The following PLEKHA6 variants were observed in gnomAD, a reference collection of about 807,000 sequenced individuals.
PLEKHA6 encodes pleckstrin homology domain containing A6.
In PLEKHA6, 60 loss-of-function variants were observed where a neutral mutation model predicts 116.7. That is an observed-to-expected ratio of 0.51 (90% confidence interval 0.42 to 0.64). The LOEUF is 0.64. Ranked by LOEUF, PLEKHA6 falls within the 30% of genes least tolerant of loss-of-function variation. The pLI is 0.00. For missense variants in PLEKHA6, 1,338 were observed against 1,422.7 expected (o/e 0.94, Z 0.96); for synonymous variants, 489 against 556.1 (o/e 0.88, Z 1.70).
Position 204,257,651 on chromosome 1 carries a change from C to CA in PLEKHA6, c.1225dup (p.Trp409LeufsTer27). 6.2e-7 allele frequency: 1 copy of CA among 1,610,230 alleles called. No homozygotes were observed. The highest frequency in any genetic ancestry group is 8.5e-7 in the Non-Finnish European group (1 of 1,178,412). On this transcript the variant is annotated frameshift_variant, in exon 9 of 23. Transcript: ENST00000272203. LOFTEE classifies it high-confidence loss of function. The surrounding 1 kb of genome is among the most constrained non-coding windows in gnomAD (Gnocchi z 6.5). Reference sequence around the variant, plus strand: ...CCGCCCGTAGCTGGCGGGCTCCTTCCACTCTCGCAGCTGGTAGGCAGGGCC... The same window carrying CA: ...CCGCCCGTAGCTGGCGGGCTCCTTCCAACTCTCGCAGCTGGTAGGCAGGGCC...
At chr1:204,256,036 T>C (rs1665239514) in intron 9 of PLEKHA6, among the ~76,000 whole-genome samples, 1 of 152,180 alleles carries the variant, frequency 6.6e-6, no homozygotes, top group African/African-American at 2.4e-5. Flanking sequence ...TCTGGGTGCG[T>C]GTGTTTGCTG....
chr1:204,232,826 A>T (rs1661385070), intron 17 of PLEKHA6, among the ~76,000 whole-genome samples: 1 of 152,224 alleles, frequency 6.6e-6, no homozygotes, highest in Non-Finnish European at 1.5e-5. Flanking sequence ...AGTGAGCCAC[A>T]GAGGATTATT....
chr1:204,350,632 G>A (rs576740680), intron 1 of PLEKHA6, among the ~76,000 whole-genome samples: 35 of 152,282 alleles, frequency 2.3e-4, no homozygotes, highest in African/African-American at 8.4e-4. Context: ...GTGCTCTGGA[G>A]GTCCAAGTTC....
intron 13 of PLEKHA6, 57 bp downstream of exon 13, chr1:204,247,308 C>A: frequency 9.3e-7 from 1 of 1,080,498 alleles, no homozygotes; most frequent in South Asian, 1.3e-5. Flanking sequence ...GTCTCGAGGC[C>A]AACTCCTCAT....
intron 1 of PLEKHA6, among the ~76,000 whole-genome samples, chr1:204,321,501 C>T (rs1339802632): frequency 4.6e-5 from 7 of 151,456 alleles, no homozygotes; most frequent in Admixed American, 4.0e-4. Context: ...GTTCCGGCGC[C>T]CATGCTTCCT....
chr1:204,328,920 G>T (rs1380475690), intron 1 of PLEKHA6, among the ~76,000 whole-genome samples: 3 of 152,322 alleles, frequency 2.0e-5, no homozygotes, highest in Non-Finnish European at 4.4e-5. Flanking sequence ...AGAGAAGTTA[G>T]CTAGCTTGCC....
Position 204,228,644 on chromosome 1 carries a change from T to C in PLEKHA6, c.2885+84A>G. The C allele has an allele frequency of 7.6e-7, 1 of 1,308,068 alleles. No homozygotes were observed. Among genetic ancestry groups the C allele is most frequent in the Non-Finnish European group, 1.1e-6 (1 of 907,660 alleles). 81.0% of individuals were successfully genotyped at this position (1,308,068 alleles called of 1,614,324 possible). A position where few individuals can be genotyped will look rare whatever the true frequency, so the allele number is the denominator to read the frequency against. On this transcript the variant is annotated intron_variant, in intron 20 of 22. Transcript: ENST00000272203. This position sits in a 1 kb window ranked among gnomAD's most constrained non-coding sequence, Gnocchi z 4.0. ...GATGTGCTCTCCCCTGGGGAGGCTCTGTGCCCCCAACGACTTCTAGTGGCC... is the reference window on the plus strand; with the variant it reads ...GATGTGCTCTCCCCTGGGGAGGCTCCGTGCCCCCAACGACTTCTAGTGGCC...
intron 11 of PLEKHA6, 67 bp from the exon 12 acceptor site, chr1:204,249,037 G>T (rs1039062451): frequency 1.3e-6 from 2 of 1,567,014 alleles, no homozygotes. Context: ...AACAGCAGAG[G>T]CCTGAGCCCT....
At chr1:204,329,429 G>A (rs966075711) in intron 1 of PLEKHA6, among the ~76,000 whole-genome samples, 3 of 152,218 alleles carry the variant, frequency 2.0e-5, no homozygotes, top group Admixed American at 6.5e-5. Flanking sequence ...GCAAAAGATC[G>A]CTTACTGTGA....
chr1:204,251,279 C>T (rs1571884567), intron 9 of PLEKHA6, among the ~76,000 whole-genome samples: 1 of 152,182 alleles, frequency 6.6e-6, no homozygotes. Flanking sequence ...AGCAGAGTTG[C>T]GATCCCCAGC....
chr1:204,280,231 C>T (rs1372519120), intron 1 of PLEKHA6: 3 of 846,328 alleles, frequency 3.5e-6, no homozygotes, highest in East Asian at 2.4e-4. Flanking sequence ...CTCTGCATTG[C>T]TTCATCTCCA....
In PLEKHA6 at chr1:204,228,635, G is replaced by A. The variant is rs1317852019; in HGVS notation, c.2885+93C>T. Reference sequence around the variant, plus strand: ...CACCACCTCGATGTGCTCTCCCCTGGGGAGGCTCTGTGCCCCCAACGACTT... The same window carrying A: ...CACCACCTCGATGTGCTCTCCCCTGAGGAGGCTCTGTGCCCCCAACGACTT... On this transcript the variant is annotated intron_variant, in intron 20 of 22. Coordinates refer to ENST00000272203, the MANE Select transcript of PLEKHA6 (RefSeq NM_014935.5). This position sits in a 1 kb window ranked among gnomAD's most constrained non-coding sequence, Gnocchi z 4.0. 5.2e-6 allele frequency: 6 copies of A among 1,163,808 alleles called. No homozygotes were observed. Among genetic ancestry groups the A allele is most frequent in the Non-Finnish European group, 2.6e-6 (2 of 779,960 alleles). 72.1% of individuals were successfully genotyped at this position (1,163,808 alleles called of 1,614,324 possible). A position where few individuals can be genotyped will look rare whatever the true frequency, so the allele number is the denominator to read the frequency against.
chr1:204,271,718 G>T (rs1432433606), intron 3 of PLEKHA6, among the ~76,000 whole-genome samples: 2 of 152,126 alleles, frequency 1.3e-5, no homozygotes, highest in African/African-American at 2.4e-5. Context: ...CCAGCTACCT[G>T]CCTTCCCTGC....
chr1:204,298,210 T>A (rs1162047714), intron 1 of PLEKHA6, among the ~76,000 whole-genome samples: 1 of 152,240 alleles, frequency 6.6e-6, no homozygotes, highest in Non-Finnish European at 1.5e-5. Flanking sequence ...TATTCACTAA[T>A]TCAATCCTAA....
rs1668144266 is a variant in PLEKHA6, at chr1:204,277,512, C to G, written c.-94-2703G>C. ...CCCATCTGCACGGCTGAAACCCATG[C>G]CAGCCCGACCTGTAGGGAGACAGTC... On this transcript the variant is annotated intron_variant, in intron 1 of 22. Transcript: ENST00000272203. The surrounding 1 kb of genome is among the most constrained non-coding windows in gnomAD (Gnocchi z 4.1). The G allele has an allele frequency of 6.6e-6, 1 of 152,120 alleles. No individual in the cohort carries two copies. The allele number at this position is 152,120 out of a possible 1,614,324, so 9.4% of individuals were successfully genotyped here.
At chr1:204,291,938 C>G (rs1209018549) in intron 1 of PLEKHA6, among the ~76,000 whole-genome samples, 1 of 152,130 alleles carries the variant, frequency 6.6e-6, no homozygotes, top group East Asian at 1.9e-4. Context: ...AAAGAAAAGC[C>G]TTCAATTGAG....
intron 1 of PLEKHA6, among the ~76,000 whole-genome samples, chr1:204,357,577 G>C (rs1673449973): frequency 1.3e-5 from 2 of 152,248 alleles, no homozygotes; most frequent in African/African-American, 4.8e-5. Context: ...GAGCTCAGGG[G>C]AGTGCGAATC....
At chr1:204,244,729 C>T (rs1663394640) in intron 15 of PLEKHA6, 135 bp downstream of exon 15, 3 of 610,634 alleles carry the variant, frequency 4.9e-6, no homozygotes, top group Non-Finnish European at 8.0e-6. Flanking sequence ...AGAATGACCT[C>T]CTTAAACAAA....
chr1:204,230,688 T>A, intron 17 of PLEKHA6, 102 bp from the exon 18 acceptor site: 1 of 1,009,242 alleles, frequency 9.9e-7, no homozygotes, highest in Non-Finnish European at 1.4e-6. Flanking sequence ...AGTCTGCCTG[T>A]AGTGGACTGA....
Sources: gnomAD v4.1 joint callset for allele counts (sites outside exome capture counted in the v4.1 genomes callset) on GRCh38, gnomAD v4.1.1 for gene constraint, Gnocchi (gnomAD v3.1) non-coding constraint, MANE v1.5 for transcripts, NCBI Gene and HGNC (gene_info 2026-07-23, HGNC 2026-07-21) for gene names.